The following DEF8 variants were observed in gnomAD, a reference collection of about 807,000 sequenced individuals.
The protein encoded by DEF8 is DEF-8.
In DEF8, 38 loss-of-function variants were observed where a neutral mutation model predicts 59.1. That is an observed-to-expected ratio of 0.64 (90% CI 0.50 to 0.84). DEF8 has a LOEUF of 0.84. Ranked by LOEUF, DEF8 falls within the 40% of genes least tolerant of loss-of-function variation. The probability of loss-of-function intolerance (pLI) is 0.00; values close to 1 mark genes in which losing one functional copy is unlikely to be tolerated. For synonymous variants in DEF8, 265 were observed against 250.1 expected (o/e 1.06, Z -0.56); for missense variants, 557 against 615.2 (o/e 0.91, Z 1.00).
At chr16:89,949,332 C>G in intron 1 of DEF8, 85 bp from the exon 2 acceptor site, 1 of 1,131,298 alleles carries the variant, frequency 8.8e-7, no homozygotes, top group South Asian at 1.5e-5. Flanking sequence ...GAGAGACCTG[C>G]CCCCGAGGAG....
rs1464450525 is a variant in DEF8 at position 89,966,077 on chromosome 16, C to T, written c.*114C>T. Reference sequence around the variant, plus strand: ...GGGGTGCGGCCCTGGCCCCCTCCACCCCTGCTGGGCCAGAGCGGGTGGGCA... The same window carrying T: ...GGGGTGCGGCCCTGGCCCCCTCCACTCCTGCTGGGCCAGAGCGGGTGGGCA... On this transcript the variant is annotated 3_prime_UTR_variant, in exon 13 of 13. Coordinates refer to ENST00000563594, the MANE Select transcript of DEF8 (RefSeq NM_001242818.2). 1 of 746,648 alleles carries T rather than the reference C, an allele frequency of 1.3e-6. No individual in the cohort carries two copies. Among genetic ancestry groups the T allele is most frequent in the Non-Finnish European group, 2.2e-6 (1 of 460,426 alleles). The allele number at this position is 746,648 out of a possible 1,614,324, so 46.3% of individuals were successfully genotyped here. A position where few individuals can be genotyped will look rare whatever the true frequency, so the allele number is the denominator to read the frequency against.
intron 12 of DEF8, among the ~76,000 whole-genome samples, chr16:89,965,467 G>A (rs1000312505): frequency 3.3e-5 from 5 of 152,238 alleles, no homozygotes; most frequent in African/African-American, 9.6e-5. Flanking sequence ...TTACTGCTAC[G>A]TTCTGTTTAA....
rs374192481 is a variant in DEF8, at chr16:89,948,840, C to T, written c.-108+26C>T. On this transcript the variant is annotated intron_variant, in intron 1 of 12. Coordinates refer to ENST00000563594, the MANE Select transcript of DEF8 (RefSeq NM_001242818.2). ...GTGAGCGGCGCGGGGCCGGCGGGGT[C>T]GGGGCCGGCGGGGACGGGGCCGGCG... The T allele has an allele frequency of 5.6e-4, 461 of 827,106 alleles. 12 individuals are homozygous for T. The South Asian group carries it at 0.016, about 28-fold the overall frequency. 51.2% of individuals were successfully genotyped at this position (827,106 alleles called of 1,614,324 possible).
intron 2 of DEF8, chr16:89,952,424 G>A (rs572461515): frequency 1.3e-5 from 2 of 152,902 alleles, no homozygotes; most frequent in South Asian, 4.1e-4. Flanking sequence ...TGTCAGTGAA[G>A]CCAGGAGCCC....
At chr16:89,961,259 T>G (rs986499568) in intron 7 of DEF8, among the ~76,000 whole-genome samples, 164 bp downstream of exon 7, 9 of 152,156 alleles carry the variant, frequency 5.9e-5, no homozygotes, top group Admixed American at 3.9e-4. Context: ...TGCCATTGTT[T>G]CATTTCTCAC....
At chr16:89,950,787 C>T (rs1597451855) in intron 2 of DEF8, among the ~76,000 whole-genome samples, 1 of 114,958 alleles carries the variant, frequency 8.7e-6, no homozygotes, top group Non-Finnish European at 1.9e-5. Context: ...TGAGACCAGC[C>T]TGGGCATCAG....
intron 12 of DEF8, 85 bp downstream of exon 12, chr16:89,964,660 A>G (rs2034451757): frequency 9.9e-7 from 1 of 1,010,954 alleles, no homozygotes; most frequent in Admixed American, 2.1e-5. Context: ...CGGTAGGATG[A>G]TGCCGTGGGA....
chr16:89,959,334 G>T, intron 6 of DEF8, 179 bp downstream of exon 6: 2 of 1,444,672 alleles, frequency 1.4e-6, no homozygotes, highest in Non-Finnish European at 1.8e-6. Context: ...GGACAGGGCT[G>T]TTCTGGATGA....
chr16:89,952,739 T>G (rs1263413036), intron 2 of DEF8: 1 of 152,270 alleles, frequency 6.6e-6, no homozygotes, highest in Non-Finnish European at 1.5e-5. Flanking sequence ...GTCTTCCCCG[T>G]GCCTCCCTGT....
chr16:89,965,615 C>G (rs2034536688), intron 12 of DEF8, among the ~76,000 whole-genome samples: 1 of 152,120 alleles, frequency 6.6e-6, no homozygotes, highest in East Asian at 1.9e-4. Flanking sequence ...AGCCCCTCAG[C>G]TGTGTGAACT....
intron 1 of DEF8, 40 bp downstream of exon 1, chr16:89,948,854 ACGGGGCCGG>A: frequency 2.1e-5 from 15 of 707,462 alleles, no homozygotes; most frequent in South Asian, 5.9e-5. Context: ...GCCGGCGGGG[ACGGGGCCGG>A]CGGGGACGGG....
At chr16:89,956,478 A>G (rs1164358903) in intron 4 of DEF8, 2 of 149,508 alleles carry the variant, frequency 1.3e-5, no homozygotes, top group Non-Finnish European at 3.0e-5. Context: ...AGAGGGAGAG[A>G]CTTCATATAT....
At position 89,962,073 on chromosome 16, in the gene DEF8, G is replaced by T. The variant is rs370039650; in HGVS notation, c.869G>T (p.Arg290Leu). ...GTGTCTCGGCCCGTACTCAGGCTCCGGGAGATCAACCCTCTGCTGTTCAGC... is the reference window on the plus strand; with the variant it reads ...GTGTCTCGGCCCGTACTCAGGCTCCTGGAGATCAACCCTCTGCTGTTCAGC... ...LMVSRPVLRL[R>L]EINPLLFSYV... Residue 290 changes from arginine (R) to leucine (L), a missense_variant, in exon 9 of 13, where the codon CGG becomes CTG. Coordinates refer to ENST00000563594, the MANE Select transcript of DEF8 (RefSeq NM_001242818.2). 1.2e-6 allele frequency: 2 copies of T among 1,614,078 alleles called. No homozygotes were observed. Among genetic ancestry groups the T allele is most frequent in the Non-Finnish European group, 1.7e-6 (2 of 1,179,994 alleles).
chr16:89,967,502 C>A lies in DEF8; in HGVS notation c.*1539C>A, dbSNP rs8057380. ...CCATCTGGAAAATGGGGGCAGGGGTCCTGACCTACCTCAGGTGGAACGGTG... is the reference window on the plus strand; with the variant it reads ...CCATCTGGAAAATGGGGGCAGGGGTACTGACCTACCTCAGGTGGAACGGTG... On this transcript the variant is annotated 3_prime_UTR_variant, in exon 13 of 13. Coordinates refer to ENST00000563594, the MANE Select transcript of DEF8 (RefSeq NM_001242818.2). The A allele has an allele frequency of 0.072, 28,547 of 398,476 alleles. 3,476 individuals carry two copies. The highest frequency in any genetic ancestry group is 0.36 in the African/African-American group (17,571 of 48,618). The allele number at this position is 398,476 out of a possible 1,614,324, so 24.7% of individuals were successfully genotyped here.
chr16:89,961,219 T>C lies in DEF8; in HGVS notation c.679+124T>C, dbSNP rs996797944. 4.8e-6 allele frequency: 6 copies of C among 1,248,050 alleles called. No homozygotes were observed. The African/African-American group carries it at 9.0e-5, about 19-fold the overall frequency. The allele number at this position is 1,248,050 out of a possible 1,614,324, so 77.3% of individuals were successfully genotyped here. ...AGGCCCTGGGGCAGTGCCTGCTTGA[T>C]ATCTTTAGGAAGTGACAAGGGTCTG... is the stretch of plus-strand genomic sequence containing the variant. On this transcript the variant is annotated intron_variant, in intron 7 of 12. Transcript: ENST00000563594.
Position 89,966,973 on chromosome 16 carries a change from G to A in DEF8, c.*1010G>A, listed in dbSNP as rs568257948. On this transcript the variant is annotated 3_prime_UTR_variant, in exon 13 of 13. Coordinates refer to ENST00000563594, the MANE Select transcript of DEF8 (RefSeq NM_001242818.2). ...GTATTCGCTCGACTGAGCACATTCA[G>A]GAAGATCAGGGCAGGCGTGTGGGAG... 3.6e-6 allele frequency: 1 copy of A among 277,302 alleles called. No homozygotes were observed. The highest frequency in any genetic ancestry group is 6.1e-5 in the East Asian group (1 of 16,336). The allele number at this position is 277,302 out of a possible 1,614,324, so 17.2% of individuals were successfully genotyped here. A position where few individuals can be genotyped will look rare whatever the true frequency, so the allele number is the denominator to read the frequency against.
rs1457306852 is a variant in DEF8, at chr16:89,950,284, C to A, written c.-11+771C>A. 5 of 985,402 alleles carry A rather than the reference C, an allele frequency of 5.1e-6. No homozygotes were observed. In the African/African-American group the frequency reaches 8.7e-5, roughly 17 times the overall value. 61.0% of individuals were successfully genotyped at this position (985,402 alleles called of 1,614,324 possible). On this transcript the variant is annotated intron_variant, in intron 2 of 12. Transcript: ENST00000563594. ...GAGCAGCTCTGGGCTCCTGGCTTCA[C>A]TGACATCATAAACAAGTCCTTAGCC... is the stretch of plus-strand genomic sequence containing the variant.
Position 89,957,548 on chromosome 16 carries a change from AGGCGAT to A in DEF8, c.261_266del (p.Gln87_Ile89delinsHis). 6.3e-7 allele frequency: 1 copy of A among 1,592,760 alleles called. No individual in the cohort carries two copies. The highest frequency in any genetic ancestry group is 8.5e-7 in the Non-Finnish European group (1 of 1,170,326). On this transcript the variant is annotated inframe_deletion, in exon 5 of 13. Coordinates refer to ENST00000563594, the MANE Select transcript of DEF8 (RefSeq NM_001242818.2). Reference sequence around the variant, plus strand: ...GCCTCTGACGTCCAGCAGCTGCGGCAGGCGATCGAGGAGTGCAAGCAGGTGATTCTG... The same window carrying A: ...GCCTCTGACGTCCAGCAGCTGCGGCACGAGGAGTGCAAGCAGGTGATTCTG...
rs2034266042 is a variant in DEF8, at chr16:89,963,285, GC to G, written c.922-74del. The stretch of plus-strand genomic sequence containing the variant: ...ACCAACCCCTCCTGGCCCTGCCGTG[GC>G]CCCGGGTGTGCGGCCCACACAGGGG... On this transcript the variant is annotated intron_variant, in intron 9 of 12. Transcript: ENST00000563594. 3.1e-6 allele frequency: 4 copies of G among 1,297,400 alleles called. No individual in the cohort carries two copies. The East Asian group carries it at 9.7e-5, about 31-fold the overall frequency. 80.4% of individuals were successfully genotyped at this position (1,297,400 alleles called of 1,614,324 possible).
Sources: allele counts gnomAD v4.1 joint callset (sites outside exome capture counted in the v4.1 genomes callset), GRCh38; gene constraint gnomAD v4.1.1; transcripts MANE v1.5; gene names NCBI Gene and HGNC (gene_info 2026-07-23, HGNC 2026-07-21).